The following LMO7 variants were observed in gnomAD, a reference collection of about 807,000 sequenced individuals.
The protein encoded by LMO7 is LIM domain 7, also known as LIM domain only protein 7.
A neutral mutation model predicts 206.5 loss-of-function variants in LMO7; 120 were observed. The ratio of observed to expected loss-of-function variants is 0.58; its 90% CI spans 0.50 to 0.68. LMO7 has a LOEUF of 0.68. Ranked by LOEUF, LMO7 falls within the 30% of genes least tolerant of loss-of-function variation. The probability of loss-of-function intolerance (pLI) is 0.00; values close to 1 mark genes in which losing one functional copy is unlikely to be tolerated. For missense variants in LMO7, 1,959 were observed against 1,957.9 expected (o/e 1.00, Z -0.01); for synonymous variants, 706 against 681.5 (o/e 1.04, Z -0.56).
chr13:75,788,783 A>G (rs2052820643), intron 4 of LMO7: 1 of 152,342 alleles, frequency 6.6e-6, no homozygotes, highest in South Asian at 2.1e-4. Flanking sequence ...CCAGTTTCCC[A>G]AGAGGCAACT....
intron 26 of LMO7, among the ~76,000 whole-genome samples, chr13:75,848,514 T>C (rs2060194825): frequency 6.6e-6 from 1 of 152,228 alleles, no homozygotes; most frequent in Admixed American, 6.5e-5. Context: ...GATGGGCATT[T>C]GGGTTGGTTC....
chr13:75,730,579 G>A lies in LMO7; in HGVS notation c.210+3481G>A, dbSNP rs9544039. ...TTTTGTTGATCCTTTCAAAAAACCA[G>A]CTCCTGGATTCATTAATTTTTTGAA... On this transcript the variant is annotated intron_variant, in intron 3 of 30. Coordinates refer to ENST00000377534, the MANE Select transcript of LMO7 (RefSeq NM_001306080.2). 3.3e-3 allele frequency among the ~76,000 whole-genome samples: 500 copies of A among 150,254 alleles called. 5 individuals are homozygous for A. Among genetic ancestry groups the A allele is most frequent in the Non-Finnish European group, 6.0e-3 (408 of 67,632 alleles).
At chr13:75,639,769 G>A (rs2036337137) in intron 1 of LMO7, among the ~76,000 whole-genome samples, 1 of 152,200 alleles carries the variant, frequency 6.6e-6, no homozygotes, top group Non-Finnish European at 1.5e-5. Flanking sequence ...AGTTAATGTT[G>A]CTCTCTAGAT....
intron 3 of LMO7, among the ~76,000 whole-genome samples, chr13:75,729,117 T>C (rs2138680009): frequency 6.7e-6 from 1 of 150,358 alleles, no homozygotes; most frequent in Admixed American, 6.6e-5. Flanking sequence ...CGGGCTCTTT[T>C]TTGGTTCCAT....
At chr13:75,754,698 CTTACA>C (rs2139529428) in intron 3 of LMO7, among the ~76,000 whole-genome samples, 1 of 152,264 alleles carries the variant, frequency 6.6e-6, no homozygotes, top group South Asian at 2.1e-4. Context: ...TTCCCAAGCA[CTTACA>C]TTACTGATGA....
At chr13:75,699,664 AG>A (rs2042146887) in intron 1 of LMO7, among the ~76,000 whole-genome samples, 1 of 152,196 alleles carries the variant, frequency 6.6e-6, no homozygotes, top group Non-Finnish European at 1.5e-5. Flanking sequence ...CGCATGCTTC[AG>A]AAGGCAATAA....
chr13:75,702,048 C>T (rs760885347), intron 1 of LMO7, among the ~76,000 whole-genome samples: 2 of 151,638 alleles, frequency 1.3e-5, no homozygotes, highest in Non-Finnish European at 2.9e-5. Context: ...TAAAAGTTGG[C>T]TATGGTCTAG....
intron 1 of LMO7, among the ~76,000 whole-genome samples, chr13:75,692,405 T>TC (rs1240354291): frequency 3.9e-5 from 6 of 151,940 alleles, no homozygotes; most frequent in Non-Finnish European, 8.8e-5. Flanking sequence ...CTTTTTTTTT[T>TC]TTTCTTTCCA....
At chr13:75,737,791 A>AT (rs2046020767) in intron 3 of LMO7, among the ~76,000 whole-genome samples, 3 of 133,430 alleles carry the variant, frequency 2.2e-5, no homozygotes, top group African/African-American at 5.8e-5. Context: ...ATAAAAAAAA[A>AT]AAAAAAAAAA....
chr13:75,712,234 A>G (rs1330517387), intron 1 of LMO7, among the ~76,000 whole-genome samples: 1 of 152,212 alleles, frequency 6.6e-6, no homozygotes, highest in Non-Finnish European at 1.5e-5. Flanking sequence ...TCAGGATATC[A>G]GAAATGTATT....
chr13:75,834,681 A>G (rs143243669), intron 17 of LMO7, among the ~76,000 whole-genome samples: 56 of 152,304 alleles, frequency 3.7e-4, no homozygotes, highest in African/African-American at 1.1e-3. Context: ...GGAGTTATTT[A>G]TAATAATATT....
chr13:75,818,887 C>T (rs2057314800), intron 12 of LMO7, among the ~76,000 whole-genome samples: 1 of 152,122 alleles, frequency 6.6e-6, no homozygotes, highest in Non-Finnish European at 1.5e-5. Flanking sequence ...GGAACAGTGC[C>T]CTATGCATGT....
At chr13:75,727,665 T>A (rs1450981281) in intron 3 of LMO7, among the ~76,000 whole-genome samples, 2 of 152,164 alleles carry the variant, frequency 1.3e-5, no homozygotes, top group Non-Finnish European at 2.9e-5. Context: ...AGGGTACATG[T>A]GCACAACGTG....
At chr13:75,733,873 T>G (rs1014985341) in intron 3 of LMO7, among the ~76,000 whole-genome samples, 4 of 152,248 alleles carry the variant, frequency 2.6e-5, no homozygotes, top group African/African-American at 9.6e-5. Context: ...AAATTGCATT[T>G]GTTCAGGGTC....
At chr13:75,716,701 T>A (rs1021414880) in intron 2 of LMO7, among the ~76,000 whole-genome samples, 2 of 152,102 alleles carry the variant, frequency 1.3e-5, no homozygotes, top group East Asian at 3.8e-4. Context: ...ACTGCCTTAT[T>A]ATATATATTT....
intron 3 of LMO7, among the ~76,000 whole-genome samples, chr13:75,734,661 AT>A (rs1425233378): frequency 6.6e-6 from 1 of 152,214 alleles, no homozygotes; most frequent in African/African-American, 2.4e-5. Flanking sequence ...GGAATGAAAA[AT>A]TTTTAATAAT....
Position 75,841,067 on chromosome 13 carries a change from G to T in LMO7, c.3583-42G>T, listed in dbSNP as rs774604732. On this transcript the variant is annotated intron_variant, in intron 22 of 30. Coordinates refer to ENST00000377534, the MANE Select transcript of LMO7 (RefSeq NM_001306080.2). ...TAATAAAGAAGATTCCTAATGTGAAGAGTTAATCTATTGGATTAATATATG... is the reference window on the plus strand; with the variant it reads ...TAATAAAGAAGATTCCTAATGTGAATAGTTAATCTATTGGATTAATATATG... 14 of 1,212,282 alleles carry T rather than the reference G, an allele frequency of 1.2e-5. No individual in the cohort carries two copies. The East Asian group carries it at 3.3e-4, about 29-fold the overall frequency. 75.1% of individuals were successfully genotyped at this position (1,212,282 alleles called of 1,614,324 possible).
At chr13:75,659,575 G>T (rs1005442704) in intron 1 of LMO7, among the ~76,000 whole-genome samples, 4 of 143,830 alleles carry the variant, frequency 2.8e-5, no homozygotes, top group African/African-American at 9.8e-5. Context: ...ATCATATCTC[G>T]TGAGACTTAT....
chr13:75,784,638 A>G (rs916167841), intron 4 of LMO7, among the ~76,000 whole-genome samples: 1 of 152,162 alleles, frequency 6.6e-6, no homozygotes, highest in Admixed American at 6.5e-5. Context: ...ATAAACAACA[A>G]TTTACATCAG....
Sources: allele counts gnomAD v4.1 joint callset (sites outside exome capture counted in the v4.1 genomes callset), GRCh38; gene constraint gnomAD v4.1.1; transcripts MANE v1.5; gene names NCBI Gene and HGNC (gene_info 2026-07-23, HGNC 2026-07-21).